TNFSF4: variants seen among roughly 807,000 people sequenced by gnomAD.
TNFSF4 encodes TNF superfamily member 4.
A neutral mutation model predicts 7.3 loss-of-function variants in TNFSF4; 4 were observed. The observed-to-expected ratio is 0.55, with a 90% confidence interval of 0.27 to 1.25. The LOEUF (loss-of-function observed/expected upper bound fraction) is 1.25. Among genes scored for constraint, TNFSF4 ranks in the 50% most tolerant of loss-of-function variants. TNFSF4 has a pLI of 0.12. For missense variants in TNFSF4, 181 were observed against 208.8 expected (o/e 0.87, Z 0.82); for synonymous variants, 76 against 83.7 (o/e 0.91, Z 0.50).
chr1:173,271,696 C>G, the TNFSF4 span, among the ~76,000 whole-genome samples: 3 of 152,116 alleles, frequency 2.0e-5, no homozygotes, highest in African/African-American at 7.2e-5. Context: ...AGACAGGAAA[C>G]AACAGGTGCT....
the TNFSF4 span, among the ~76,000 whole-genome samples, chr1:173,177,483 C>G: frequency 2.0e-5 from 3 of 152,106 alleles, no homozygotes; most frequent in South Asian, 6.2e-4. Context: ...GAAAAGCTAC[C>G]TATCGGGTTC....
At chr1:173,259,486 A>G in the TNFSF4 span, among the ~76,000 whole-genome samples, 1 of 152,224 alleles carries the variant, frequency 6.6e-6, no homozygotes, top group African/African-American at 2.4e-5. Flanking sequence ...AACTGGGATG[A>G]GGCTGAGATG....
the TNFSF4 span, among the ~76,000 whole-genome samples, chr1:173,345,238 A>T: frequency 6.6e-6 from 1 of 152,238 alleles, no homozygotes; most frequent in Non-Finnish European, 1.5e-5. Context: ...GAGAAATAAT[A>T]CACACACCTC....
chr1:173,353,040 T>C, the TNFSF4 span, among the ~76,000 whole-genome samples: 3 of 152,200 alleles, frequency 2.0e-5, no homozygotes, highest in East Asian at 5.8e-4. Flanking sequence ...TCTCCCTTGT[T>C]CCCTCAACAT....
the TNFSF4 span, among the ~76,000 whole-genome samples, chr1:173,297,219 G>A: frequency 6.6e-6 from 1 of 151,876 alleles, no homozygotes; most frequent in East Asian, 2.0e-4. Context: ...TGAGAAAAAT[G>A]TTTTCATTAT....
At chr1:173,358,696 A>G in the TNFSF4 span, among the ~76,000 whole-genome samples, 1 of 152,276 alleles carries the variant, frequency 6.6e-6, no homozygotes, top group African/African-American at 2.4e-5. Context: ...GAATGCATGC[A>G]TATTCTGACA....
the TNFSF4 span, among the ~76,000 whole-genome samples, chr1:173,330,118 G>A: frequency 6.6e-6 from 1 of 152,048 alleles, no homozygotes; most frequent in Admixed American, 6.6e-5. Flanking sequence ...GTCCAATTTG[G>A]AGAAAAATAG....
chr1:173,354,935 G>A, the TNFSF4 span, among the ~76,000 whole-genome samples: 3 of 152,064 alleles, frequency 2.0e-5, no homozygotes, highest in African/African-American at 4.8e-5. Flanking sequence ...CAATGCCTTC[G>A]ATCAGCACAA....
the TNFSF4 span, among the ~76,000 whole-genome samples, chr1:173,284,977 T>C: frequency 1.4e-4 from 22 of 152,336 alleles, no homozygotes; most frequent in Admixed American, 9.2e-4. Context: ...ATTAAAGAAA[T>C]GCACTTTGTC....
At chr1:173,252,200 C>T in the TNFSF4 span, among the ~76,000 whole-genome samples, 1 of 151,670 alleles carries the variant, frequency 6.6e-6, no homozygotes, top group Non-Finnish European at 1.5e-5. Flanking sequence ...AGTTCCAGTC[C>T]TCAACTCTCA....
the TNFSF4 span, among the ~76,000 whole-genome samples, chr1:173,423,673 C>T: frequency 6.6e-6 from 1 of 152,114 alleles, no homozygotes; most frequent in Non-Finnish European, 1.5e-5. Context: ...GGAGAACATC[C>T]CACCGGTGAT....
chr1:173,433,508 A>G, the TNFSF4 span, among the ~76,000 whole-genome samples: 1 of 151,776 alleles, frequency 6.6e-6, no homozygotes. Flanking sequence ...CAGCCTGGGC[A>G]ACATGGCGAA....
the TNFSF4 span, among the ~76,000 whole-genome samples, chr1:173,264,613 T>A: frequency 6.6e-6 from 1 of 152,176 alleles, no homozygotes; most frequent in Non-Finnish European, 1.5e-5. Context: ...ACAAAGCAAA[T>A]CTTCATTGCC....
the TNFSF4 span, among the ~76,000 whole-genome samples, chr1:173,367,398 A>C: frequency 6.6e-6 from 1 of 152,230 alleles, no homozygotes; most frequent in Non-Finnish European, 1.5e-5. Context: ...ATTCCTATGC[A>C]AGATCACGTA....
the TNFSF4 span, among the ~76,000 whole-genome samples, chr1:173,232,810 G>A: frequency 6.6e-6 from 1 of 152,110 alleles, no homozygotes. Flanking sequence ...TGCATCCCAG[G>A]GATGAGGCCC....
chr1:173,185,090 A>C lies in TNFSF4; in HGVS notation c.*1426T>G, dbSNP rs1649166462. ...CTCCACCTTTCTGGAGATTCTAGAG[A>C]TAATTGTAGCACAGTACAATTCCTT... On this transcript the variant is annotated 3_prime_UTR_variant, in exon 3 of 3. Coordinates refer to ENST00000281834, the MANE Select transcript of TNFSF4 (RefSeq NM_003326.5). 1 of 152,262 alleles carries C rather than the reference A, an allele frequency of 6.6e-6. No individual in the cohort carries two copies. Among genetic ancestry groups the C allele is most frequent in the African/African-American group, 2.4e-5 (1 of 41,472 alleles). 9.4% of individuals were successfully genotyped at this position (152,262 alleles called of 1,614,324 possible).
rs1649112517 is a variant in TNFSF4, at chr1:173,183,880, C to T, written c.*2636G>A. Reference sequence around the variant, plus strand: ...TAAAATAGGGGACCTGCCCAGTATACTTAAGAACAAATTATGATTTGGATC... The same window carrying T: ...TAAAATAGGGGACCTGCCCAGTATATTTAAGAACAAATTATGATTTGGATC... On this transcript the variant is annotated 3_prime_UTR_variant, in exon 3 of 3. Coordinates refer to ENST00000281834, the MANE Select transcript of TNFSF4 (RefSeq NM_003326.5). 6.6e-6 allele frequency: 1 copy of T among 152,110 alleles called. No homozygotes were observed. Among genetic ancestry groups the T allele is most frequent in the East Asian group, 1.9e-4 (1 of 5,198 alleles). The allele number at this position is 152,110 out of a possible 1,614,324, so 9.4% of individuals were successfully genotyped here. A position where few individuals can be genotyped will look rare whatever the true frequency, so the allele number is the denominator to read the frequency against.
chr1:173,329,790 T>A, the TNFSF4 span, among the ~76,000 whole-genome samples: 153 of 151,956 alleles, frequency 1.0e-3, no homozygotes, highest in African/African-American at 3.4e-3. Flanking sequence ...AGAAATATGG[T>A]TTTTTTTAAC....
chr1:173,188,444 G>T, intron 2 of TNFSF4, 77 bp downstream of exon 2: 1 of 1,156,914 alleles, frequency 8.6e-7, no homozygotes, highest in Non-Finnish European at 1.3e-6. Flanking sequence ...GAGATCTTGT[G>T]TTCTAGAGGA....
Sources: gnomAD v4.1 joint callset for allele counts (sites outside exome capture counted in the v4.1 genomes callset) on GRCh38, gnomAD v4.1.1 for gene constraint, MANE v1.5 for transcripts, NCBI Gene and HGNC (gene_info 2026-07-23, HGNC 2026-07-21) for gene names.